MCMBP: variants seen among roughly 807,000 people sequenced by gnomAD.
The protein encoded by MCMBP is mini-chromosome maintenance complex-binding protein.
A neutral mutation model predicts 81.3 loss-of-function variants in MCMBP; 31 were observed. The ratio of observed to expected loss-of-function variants is 0.38; its 90% CI spans 0.29 to 0.51. MCMBP has a LOEUF of 0.51. Ranked by LOEUF, MCMBP falls within the 20% of genes least tolerant of loss-of-function variation. The pLI is 0.87. For synonymous variants in MCMBP, 267 were observed against 275.9 expected (o/e 0.97, Z 0.32); for missense variants, 645 against 772.1 (o/e 0.84, Z 1.95).
chr10:119,852,932 G>GT, intron 6 of MCMBP, 118 bp downstream of exon 6: 1 of 1,247,310 alleles, frequency 8.0e-7, no homozygotes, highest in Admixed American at 2.1e-5. Context: ...CAACATGTCT[G>GT]TAACTCTGAT....
chr10:119,856,819 T>C (rs1294106873), intron 5 of MCMBP, among the ~76,000 whole-genome samples: 1 of 152,196 alleles, frequency 6.6e-6, no homozygotes, highest in Non-Finnish European at 1.5e-5. Flanking sequence ...TCATATTTTT[T>C]CAGTACCTTT....
Position 119,843,445 on chromosome 10 carries a change from G to T in MCMBP, c.828-19C>A, listed in dbSNP as rs966950312. 3.1e-6 allele frequency: 5 copies of T among 1,604,340 alleles called. No individual in the cohort carries two copies. The highest frequency in any genetic ancestry group is 3.3e-4 in the Middle Eastern group (2 of 6,014). On this transcript the variant is annotated intron_variant, in intron 8 of 15. Transcript: ENST00000369077. ...GGCATCCCTGTGGAGAGGTGATAAA[G>T]TTTCAATTTAGAGAGACATCAATTG... is the stretch of plus-strand genomic sequence containing the variant.
At chr10:119,868,241 C>T (rs1853542215) in intron 1 of MCMBP, among the ~76,000 whole-genome samples, 1 of 152,124 alleles carries the variant, frequency 6.6e-6, no homozygotes, top group South Asian at 2.1e-4. Flanking sequence ...GCCTGGCCAA[C>T]ATGGCAAAAC....
At chr10:119,844,531 G>A (rs1045287562) in intron 8 of MCMBP, among the ~76,000 whole-genome samples, 3 of 152,192 alleles carry the variant, frequency 2.0e-5, no homozygotes, top group African/African-American at 7.2e-5. Flanking sequence ...GGCCAAGTCA[G>A]GACTCCAACC....
chr10:119,835,852 T>C, intron 13 of MCMBP, 148 bp from the exon 14 acceptor site: 1 of 902,474 alleles, frequency 1.1e-6, no homozygotes, highest in Non-Finnish European at 1.7e-6. Flanking sequence ...TTTTTTTCTG[T>C]GTGTGAGACA....
At chr10:119,848,143 T>G (rs564128430) in intron 7 of MCMBP, among the ~76,000 whole-genome samples, 1 of 150,428 alleles carries the variant, frequency 6.6e-6, no homozygotes, top group South Asian at 2.2e-4. Context: ...AAACTTGGAA[T>G]GGCCAGAAGA....
At position 119,843,315 on chromosome 10, in the gene MCMBP, C is replaced by T. The variant is rs748340268; in HGVS notation, c.939G>A (p.Gln313=). The change falls in exon 9 of 16, where the codon CAG becomes CAA. Residue 313 remains glutamine (Q), a synonymous_variant. Coordinates refer to ENST00000369077, the MANE Select transcript of MCMBP (RefSeq NM_001256378.2). ...ATAATGGGTTGATGTGTTGCAACTT[C>T]TGGGCTAAGATCACATGAATTCTCG... ...LVPRIHVILA[Q]KLQHINPLLP... is the part of the protein sequence containing the mutation. 1 of 1,614,018 alleles carries T rather than the reference C, an allele frequency of 6.2e-7. No individual in the cohort carries two copies. Among genetic ancestry groups the T allele is most frequent in the South Asian group, 1.1e-5 (1 of 91,084 alleles).
chr10:119,849,303 A>G, intron 7 of MCMBP, 122 bp downstream of exon 7: 1 of 1,007,764 alleles, frequency 9.9e-7, no homozygotes, highest in Non-Finnish European at 1.4e-6. Flanking sequence ...TTAGGCTATT[A>G]AATTTGCAGT....
intron 14 of MCMBP, among the ~76,000 whole-genome samples, chr10:119,835,093 T>C (rs755666302): frequency 2.0e-5 from 3 of 152,198 alleles, no homozygotes; most frequent in African/African-American, 4.8e-5. Context: ...AAAGCAGTAA[T>C]TCTAAATGTG....
At chr10:119,854,878 C>T (rs769964650) in intron 5 of MCMBP, among the ~76,000 whole-genome samples, 7 of 150,758 alleles carry the variant, frequency 4.6e-5, no homozygotes, top group Non-Finnish European at 8.8e-5. Flanking sequence ...CACTTGAACC[C>T]GGGAAGCGGA....
chr10:119,833,198 CAT>C (rs1202938417), intron 14 of MCMBP, among the ~76,000 whole-genome samples: 1 of 152,184 alleles, frequency 6.6e-6, no homozygotes, highest in Non-Finnish European at 1.5e-5. Flanking sequence ...TCAGTGCCCA[CAT>C]GTGACAAAGA....
In MCMBP at chr10:119,835,544, G is replaced by A. The variant is rs1343309206; in HGVS notation, c.1703C>T (p.Thr568Ile). 6.2e-7 allele frequency: 1 copy of A among 1,612,796 alleles called. No homozygotes were observed. Among genetic ancestry groups the A allele is most frequent in the African/African-American group, 1.3e-5 (1 of 74,884 alleles). Residue 568 changes from threonine (T) to isoleucine (I), a missense_variant, in exon 14 of 16, where the codon ACC becomes ATC. Thr to Ile is a moderately conservative substitution (Grantham distance 89). Coordinates refer to ENST00000369077, the MANE Select transcript of MCMBP (RefSeq NM_001256378.2). The stretch of plus-strand genomic sequence containing the variant: ...TTTATTTTAACCTAGACATACCTTG[G>A]TTATTTCATCAGATATGCTATATTC... ...FLEYSISDEI[T>I]KAVEDDFVEM...
intron 5 of MCMBP, among the ~76,000 whole-genome samples, chr10:119,853,929 G>A (rs971196287): frequency 3.3e-5 from 5 of 152,200 alleles, no homozygotes; most frequent in African/African-American, 7.2e-5. Context: ...GGTGGATGCA[G>A]TGGCTAACAT....
chr10:119,835,272 C>A (rs1300471821), intron 14 of MCMBP, among the ~76,000 whole-genome samples: 2 of 152,012 alleles, frequency 1.3e-5, no homozygotes, highest in African/African-American at 4.8e-5. Context: ...GGCATTAATC[C>A]CTAATAGATG....
At chr10:119,872,411 T>A in intron 1 of MCMBP, 116 bp downstream of exon 1, 1 of 527,476 alleles carries the variant, frequency 1.9e-6, no homozygotes, top group Non-Finnish European at 2.7e-6. Flanking sequence ...GGGCCCCGTC[T>A]CGGGCCACGC....
intron 1 of MCMBP, among the ~76,000 whole-genome samples, chr10:119,863,825 G>A (rs1853352325): frequency 6.9e-6 from 1 of 144,830 alleles, no homozygotes; most frequent in Non-Finnish European, 1.5e-5. Context: ...TAAGCCAGAC[G>A]TAAAAGGTGA....
chr10:119,832,150 A>G lies in MCMBP; in HGVS notation c.1708-50T>C, dbSNP rs751408762. 7.2e-6 allele frequency: 11 copies of G among 1,532,666 alleles called. No individual in the cohort carries two copies. The East Asian group carries it at 2.3e-4, about 31-fold the overall frequency. The allele number at this position is 1,532,666 out of a possible 1,614,324, so 94.9% of individuals were successfully genotyped here. On this transcript the variant is annotated intron_variant, in intron 14 of 15. Coordinates refer to ENST00000369077, the MANE Select transcript of MCMBP (RefSeq NM_001256378.2). ...TGATGTGCATTTTTGTAAGGAAAAG[A>G]AAATTAACATGGTTCCTTGACTGAT...
At chr10:119,835,965 T>C (rs1456402781) in intron 13 of MCMBP, among the ~76,000 whole-genome samples, 1 of 152,076 alleles carries the variant, frequency 6.6e-6, no homozygotes, top group African/African-American at 2.4e-5. Context: ...GCCTCCTCAG[T>C]AGTGGGACCA....
chr10:119,831,498 T>G lies in MCMBP; in HGVS notation c.1899A>C (p.Lys633Asn). ...SLRRTRLQQQKCVNGNEL is the reference protein window; with the variant it reads ...SLRRTRLQQQNCVNGNEL ...TTTAAAGTTCATTTCCATTCACACA[T>G]TTTTGCTGCTGAAGCCTCGTTCTTC... The change falls in exon 16 of 16, where the codon AAA (lysine) becomes AAC (asparagine). Residue 633 changes from lysine to asparagine, a missense_variant. Physicochemically the swap from Lys to Asn is moderately conservative, Grantham distance 94. Coordinates refer to ENST00000369077, the MANE Select transcript of MCMBP (RefSeq NM_001256378.2). 1 of 1,613,962 alleles carries G rather than the reference T, an allele frequency of 6.2e-7. No homozygotes were observed. The highest frequency in any genetic ancestry group is 8.5e-7 in the Non-Finnish European group (1 of 1,179,874).
Sources: allele counts gnomAD v4.1 joint callset (sites outside exome capture counted in the v4.1 genomes callset), GRCh38; gene constraint gnomAD v4.1.1; transcripts MANE v1.5; gene names NCBI Gene and HGNC (gene_info 2026-07-23, HGNC 2026-07-21).